The following SYNE2 variants were observed in gnomAD, a reference collection of about 807,000 sequenced individuals.
SYNE2 encodes the protein nesprin-2.
A neutral mutation model predicts 856.3 loss-of-function variants in SYNE2; 431 were observed. That is an observed-to-expected ratio of 0.50 (90% confidence interval 0.47 to 0.55). The LOEUF (loss-of-function observed/expected upper bound fraction) is 0.55. SYNE2 is among the 20% of genes least tolerant of loss of function. SYNE2 has a pLI of 0.00. For synonymous variants in SYNE2, 2,923 were observed against 2,872.3 expected, an observed-to-expected ratio of 1.02 and a Z score of -0.56; for missense variants, 8,129 against 8,023.2, an observed-to-expected ratio of 1.01 and a Z score of -0.50.
At chr14:64,063,560 TG>T (rs1434544305) in intron 50 of SYNE2, among the ~76,000 whole-genome samples, 1 of 152,266 alleles carries the variant, frequency 6.6e-6, no homozygotes, top group Non-Finnish European at 1.5e-5. Flanking sequence ...TTACTGCAAC[TG>T]TCATAAGCTC....
chr14:63,773,030 G>A (rs1014139184), intron 1 of SYNE2, among the ~76,000 whole-genome samples: 3 of 151,424 alleles, frequency 2.0e-5, no homozygotes, highest in Non-Finnish European at 2.9e-5. Context: ...TGCACGCCTC[G>A]GCCTCCGAAA....
intron 1 of SYNE2, among the ~76,000 whole-genome samples, chr14:63,779,165 CA>C (rs796655479): frequency 0.016 from 2,299 of 140,718 alleles, 54 homozygotes; most frequent in African/African-American, 0.055. Flanking sequence ...ACTAAAAATA[CA>C]AAAAAAAAAA....
intron 1 of SYNE2, among the ~76,000 whole-genome samples, chr14:63,772,329 G>C (rs1402020639): frequency 6.6e-6 from 1 of 152,150 alleles, no homozygotes; most frequent in Non-Finnish European, 1.5e-5. Flanking sequence ...ACTCCAGCCT[G>C]GGCGGCAGAA....
Position 63,815,215 on chromosome 14 carries a change from TCC to T in SYNE2, c.-304-37285_-304-37284del, listed in dbSNP as rs1491194217. ...ATCCATATATATATCCATATATATA[TCC>T]ATATATATATCCATATATATATGGA... On this transcript the variant is annotated intron_variant, in intron 1 of 23. Transcript: ENST00000674003. 6.1e-4 allele frequency among the ~76,000 whole-genome samples: 84 copies of T among 137,782 alleles called. 5 individuals carry two copies. The highest frequency in any genetic ancestry group is 8.4e-4 in the Admixed American group (11 of 13,128). 90.4% of individuals were successfully genotyped at this position (137,782 alleles called of 152,430 possible).
chr14:64,167,549 G>A lies in SYNE2; in HGVS notation c.16815G>A (p.Trp5605Ter), dbSNP rs1309728312. The part of the protein sequence containing the change: ...NEKFLYCCEK[W>*]IQLLEKIEEA... ...AGTTTCTTTATTGCTGTGAAAAGTG[G>A]ATCCAACTTTTGGAGAAGATAGAAG... The change falls in exon 92 of 116, where the codon TGG becomes TGA. Residue 5605 changes from tryptophan (W) to a stop codon, truncating the protein, a stop_gained. Coordinates refer to ENST00000555002, the MANE Select transcript of SYNE2 (RefSeq NM_182914.3). LOFTEE classifies it high-confidence loss of function. The A allele has an allele frequency of 6.2e-7, 1 of 1,614,180 alleles. No homozygotes were observed. Among genetic ancestry groups the A allele is most frequent in the East Asian group, 2.2e-5 (1 of 44,892 alleles).
At chr14:64,204,978 T>G (rs2098598226) in intron 100 of SYNE2, among the ~76,000 whole-genome samples, 1 of 152,180 alleles carries the variant, frequency 6.6e-6, no homozygotes, top group Non-Finnish European at 1.5e-5. Flanking sequence ...ATGCGCCTTC[T>G]TCTGCCTTCA....
intron 22 of SYNE2, among the ~76,000 whole-genome samples, chr14:63,994,583 G>C (rs1417502801): frequency 6.6e-6 from 1 of 152,136 alleles, no homozygotes; most frequent in African/African-American, 2.4e-5. Flanking sequence ...CGATTACTGG[G>C]TCAATGTTAA....
chr14:64,216,142 C>G, intron 107 of SYNE2, 106 bp from the exon 108 acceptor site: 1 of 1,589,096 alleles, frequency 6.3e-7, no homozygotes, highest in Non-Finnish European at 8.5e-7. Flanking sequence ...GCATGCTTTG[C>G]AAGGAAAGCT....
intron 2 of SYNE2, among the ~76,000 whole-genome samples, chr14:63,936,141 G>A (rs1185008594): frequency 6.6e-6 from 1 of 152,106 alleles, no homozygotes; most frequent in Admixed American, 6.6e-5. Flanking sequence ...CCAAAGTGCT[G>A]GGATTACAGG....
intron 1 of SYNE2, among the ~76,000 whole-genome samples, chr14:63,822,910 C>A (rs971484196): frequency 6.6e-6 from 1 of 151,964 alleles, no homozygotes; most frequent in Non-Finnish European, 1.5e-5. Flanking sequence ...TTGAGACCAG[C>A]GTGGGCAACA....
At chr14:64,164,077 G>A (rs1475686220) in intron 89 of SYNE2, among the ~76,000 whole-genome samples, 6 of 139,194 alleles carry the variant, frequency 4.3e-5, no homozygotes, top group Admixed American at 4.3e-4. Context: ...CCACCACCAC[G>A]CCTGGCTTGC....
At chr14:63,848,063 T>C (rs536030877), upstream of SYNE2, among the ~76,000 whole-genome samples, 1 of 152,216 alleles carries the variant, frequency 6.6e-6, no homozygotes, top group South Asian at 2.1e-4. Context: ...ATTTTCATAT[T>C]TTTAGTAGAG....
intron 45 of SYNE2, among the ~76,000 whole-genome samples, chr14:64,041,787 C>T (rs1413080862): frequency 6.6e-6 from 1 of 151,486 alleles, no homozygotes; most frequent in Non-Finnish European, 1.5e-5. Context: ...GAGATTGAGG[C>T]TGCAGTGAAC....
Position 63,961,760 on chromosome 14 carries a change from C to T in SYNE2, c.888+135C>T. 5 of 708,362 alleles carry T rather than the reference C, an allele frequency of 7.1e-6. No individual in the cohort carries two copies. In the Admixed American group the frequency reaches 1.0e-4, roughly 15 times the overall value. The allele number at this position is 708,362 out of a possible 1,614,324, so 43.9% of individuals were successfully genotyped here. ...TGAGCATACACCCCTGTAAATCATA[C>T]TTCAATCATGATGTAAAACATTTCT... is the stretch of plus-strand genomic sequence containing the variant. On this transcript the variant is annotated intron_variant, in intron 9 of 115. Coordinates refer to ENST00000555002, the MANE Select transcript of SYNE2 (RefSeq NM_182914.3).
Position 64,026,703 on chromosome 14 carries a change from C to G in SYNE2, c.6377C>G (p.Thr2126Arg). Reference protein sequence around the residue: ...LTDISNQWDNTLHLASTYLSH... With the variant: ...LTDISNQWDNRLHLASTYLSH... ...GACATCAGCAACCAGTGGGACAACA[C>G]ACTCCATTTAGCTAGCACCTACCTA... Residue 2126 changes from threonine to arginine, a missense_variant, in exon 42 of 116, where the codon ACA becomes AGA. By Grantham distance (71) the Thr-to-Arg change is moderately conservative (BLOSUM62 -1). This residue lies in a region of SYNE2 where 297 missense variants were observed against 380.9 expected (regional missense o/e 0.78). Transcript: ENST00000555002. 1 of 1,611,362 alleles carries G rather than the reference C, an allele frequency of 6.2e-7. No individual in the cohort carries two copies. The highest frequency in any genetic ancestry group is 8.5e-7 in the Non-Finnish European group (1 of 1,178,586).
intron 1 of SYNE2, among the ~76,000 whole-genome samples, chr14:63,826,798 T>A (rs1165400078): frequency 6.6e-6 from 1 of 152,148 alleles, no homozygotes; most frequent in African/African-American, 2.4e-5. Flanking sequence ...TGTTAGGCAA[T>A]GATTTCTTAG....
chr14:64,152,561 C>T lies in SYNE2; in HGVS notation c.15640-3C>T, dbSNP rs1457574515. On this transcript the variant is annotated splice_polypyrimidine_tract_variant and splice_region_variant and intron_variant, in intron 84 of 115. Transcript: ENST00000555002. ...TGAAAACCTTTTCCTCTTACTCTTCCAGGATATAGAAAATCAACTTGCAAT... is the reference window on the plus strand; with the variant it reads ...TGAAAACCTTTTCCTCTTACTCTTCTAGGATATAGAAAATCAACTTGCAAT... 1 of 1,613,836 alleles carries T rather than the reference C, an allele frequency of 6.2e-7. No individual in the cohort carries two copies. The highest frequency in any genetic ancestry group is 8.5e-7 in the Non-Finnish European group (1 of 1,179,906).
intron 51 of SYNE2, 70 bp downstream of exon 51, chr14:64,065,720 C>G: frequency 6.5e-7 from 1 of 1,543,766 alleles, no homozygotes; most frequent in East Asian, 2.3e-5. Flanking sequence ...TTACTTTCAC[C>G]TTGTTTTTCT....
chr14:63,999,894 G>C (rs1358193685), intron 27 of SYNE2, among the ~76,000 whole-genome samples: 5 of 152,120 alleles, frequency 3.3e-5, no homozygotes, highest in Admixed American at 3.3e-4. Context: ...TAAAATCCCT[G>C]TTGCTCAAGT....
Sources: allele counts gnomAD v4.1 joint callset (sites outside exome capture counted in the v4.1 genomes callset), GRCh38; gene constraint gnomAD v4.1.1; regional missense constraint gnomAD v4.1.1; transcripts MANE v1.5; gene names NCBI Gene and HGNC (gene_info 2026-07-23, HGNC 2026-07-21).